ZNF543: variants seen among roughly 807,000 people sequenced by gnomAD.
ZNF543 encodes the protein zinc finger protein 543.
Under a neutral mutation model 13.4 loss-of-function variants are expected in ZNF543, and 10 were observed. The observed-to-expected ratio is 0.75, with a 90% confidence interval of 0.46 to 1.26. The LOEUF (loss-of-function observed/expected upper bound fraction) is 1.26, where lower values mean the gene tolerates loss of function less well. ZNF543 is among the 50% of genes most tolerant of loss of function. The pLI, the probability that ZNF543 is intolerant of heterozygous loss-of-function variation, is 0.00. For synonymous variants in ZNF543, 272 were observed against 264.7 expected, an observed-to-expected ratio of 1.03 and a Z score of -0.27; for missense variants, 768 against 741.2, an observed-to-expected ratio of 1.04 and a Z score of -0.42.
At chr19:57,326,598 A>G in intron 2 of ZNF543, 35 bp from the exon 3 acceptor site, 1 of 1,547,328 alleles carries the variant, frequency 6.5e-7, no homozygotes, top group South Asian at 1.1e-5. Flanking sequence ...CTTCTAACCT[A>G]ACTCCCTGTG....
Position 57,328,253 on chromosome 19 carries a change from T to C in ZNF543, c.791T>C (p.Phe264Ser), listed in dbSNP as rs1172981153. 1 of 1,613,764 alleles carries C rather than the reference T, an allele frequency of 6.2e-7. No homozygotes were observed. Among genetic ancestry groups the C allele is most frequent in the Admixed American group, 1.7e-5 (1 of 59,964 alleles). ...PYKCMECGKA[F>S]NRRSHLTRHQ... is the part of the protein sequence containing the mutation. ...AAGTGCATGGAGTGTGGGAAGGCTT[T>C]TAACCGCAGGTCACACCTCACACGG... Residue 264 changes from phenylalanine (F) to serine (S), a missense_variant, in exon 4 of 4, where the codon TTT becomes TCT. Phe to Ser is a radical substitution (Grantham distance 155). Coordinates refer to ENST00000321545, the MANE Select transcript of ZNF543 (RefSeq NM_213598.4).
Position 57,328,102 on chromosome 19 carries a change from C to CT in ZNF543, c.642dup (p.Val215CysfsTer4), listed in dbSNP as rs769437510. 1 of 1,614,244 alleles carries CT rather than the reference C, an allele frequency of 6.2e-7. No individual in the cohort carries two copies. Among genetic ancestry groups the CT allele is most frequent in the Admixed American group, 1.7e-5 (1 of 60,028 alleles). On this transcript the variant is annotated frameshift_variant, in exon 4 of 4. Coordinates refer to ENST00000321545, the MANE Select transcript of ZNF543 (RefSeq NM_213598.4). LOFTEE classifies it low-confidence loss of function (END_TRUNC). The stretch of plus-strand genomic sequence containing the variant: ...GAAAGTGTTTAAAAAGAATGCCCTC[C>CT]TTGTTCAGCATGAACGGATTCACAC...
Position 57,323,727 on chromosome 19 carries a change from G to A in ZNF543, c.64G>A (p.Glu22Lys), listed in dbSNP as rs759793809. The change falls in exon 2 of 4, where the codon GAG becomes AAG. Residue 22 changes from glutamate (E) to lysine (K), a missense_variant. By Grantham distance (56) the Glu-to-Lys change is moderately conservative. Around this residue, in one of 3 missense-constraint regions of ZNF543, gnomAD observed 77 missense variants for 75.5 expected, o/e 1.02. Coordinates refer to ENST00000321545, the MANE Select transcript of ZNF543 (RefSeq NM_213598.4). Reference sequence around the variant, plus strand: ...TGTGGCTGTGACATTCACCCAGGAGGAGTGGGGACAGTTGGATGCAGCCCA... The same window carrying A: ...TGTGGCTGTGACATTCACCCAGGAGAAGTGGGGACAGTTGGATGCAGCCCA... The part of the protein sequence containing the change: ...EDVAVTFTQE[E>K]WGQLDAAQRT... The A allele has an allele frequency of 2.5e-6, 4 of 1,613,826 alleles. No homozygotes were observed. In the South Asian group the frequency reaches 3.3e-5, roughly 13 times the overall value.
In ZNF543 at chr19:57,329,473, A is replaced by C; in HGVS notation, c.*208A>C. ...TGCACTTAGGAAAACTTTCAGCCACATCTTTCTTCTTAGTTTACAGTGAAA... is the reference window on the plus strand; with the variant it reads ...TGCACTTAGGAAAACTTTCAGCCACCTCTTTCTTCTTAGTTTACAGTGAAA... On this transcript the variant is annotated 3_prime_UTR_variant, in exon 4 of 4. Transcript: ENST00000321545. 1 of 547,018 alleles carries C rather than the reference A, an allele frequency of 1.8e-6. No individual in the cohort carries two copies. The highest frequency in any genetic ancestry group is 3.1e-6 in the Non-Finnish European group (1 of 327,424). The allele number at this position is 547,018 out of a possible 1,614,324, so 33.9% of individuals were successfully genotyped here.
At position 57,320,610 on chromosome 19, in the gene ZNF543, C is replaced by T; in HGVS notation, c.-244C>T. 1 of 531,352 alleles carries T rather than the reference C, an allele frequency of 1.9e-6. No homozygotes were observed. The highest frequency in any genetic ancestry group is 3.3e-6 in the Non-Finnish European group (1 of 299,364). 32.9% of individuals were successfully genotyped at this position (531,352 alleles called of 1,614,324 possible). On this transcript the variant is annotated 5_prime_UTR_variant, in exon 1 of 4. Transcript: ENST00000321545. ...CGCCTTCTCCGCATCTTGGCGGGAG[C>T]CTGACGCCCCGCTTCTTCCCTAACG...
chr19:57,323,450 C>A (rs148260855), intron 1 of ZNF543: 3 of 470,336 alleles, frequency 6.4e-6, no homozygotes, highest in East Asian at 5.9e-5. Flanking sequence ...TCATGGCCCC[C>A]CAAAGTGCTG....
At chr19:57,322,651 G>A (rs2088096960) in intron 1 of ZNF543, among the ~76,000 whole-genome samples, 1 of 152,132 alleles carries the variant, frequency 6.6e-6, no homozygotes, top group Non-Finnish European at 1.5e-5. Flanking sequence ...TGTCTCTCCT[G>A]ATAAGAGATG....
In ZNF543 at chr19:57,328,076, G is replaced by A. The variant is rs773958962; in HGVS notation, c.614G>A (p.Gly205Glu). The change falls in exon 4 of 4, where the codon GGG (glycine) becomes GAG (glutamate). Residue 205 changes from glycine to glutamate, a missense_variant. Physicochemically the swap from Gly to Glu is moderately conservative, Grantham distance 98. Around this residue, in one of 3 missense-constraint regions of ZNF543, gnomAD observed 677 missense variants for 631.4 expected, o/e 1.07. Transcript: ENST00000321545. The stretch of plus-strand genomic sequence containing the variant: ...AATTCCTATAAATGTGAGGAATGCG[G>A]GAAAGTGTTTAAAAAGAATGCCCTC... Reference protein sequence around the residue: ...EKNSYKCEECGKVFKKNALLV... With the variant: ...EKNSYKCEECEKVFKKNALLV... The A allele has an allele frequency of 6.2e-7, 1 of 1,614,230 alleles. No homozygotes were observed. Among genetic ancestry groups the A allele is most frequent in the Non-Finnish European group, 8.5e-7 (1 of 1,180,052 alleles).
rs751494496 is a variant in ZNF543, at chr19:57,320,542, G to T, written c.-312G>T. The T allele has an allele frequency of 1.9e-4, 69 of 369,450 alleles. No individual in the cohort carries two copies. The highest frequency in any genetic ancestry group is 3.2e-4 in the Non-Finnish European group (63 of 199,600). The allele number at this position is 369,450 out of a possible 1,614,324, so 22.9% of individuals were successfully genotyped here. A position where few individuals can be genotyped will look rare whatever the true frequency, so the allele number is the denominator to read the frequency against. On this transcript the variant is annotated 5_prime_UTR_variant, in exon 1 of 4. Coordinates refer to ENST00000321545, the MANE Select transcript of ZNF543 (RefSeq NM_213598.4). ...GTGGGGCCTGGACCGCTGGGTAGGC[G>T]CGTCCAGCGGCCTGAGCAGGGGAGG...
intron 1 of ZNF543, among the ~76,000 whole-genome samples, chr19:57,322,321 G>A (rs2088094864): frequency 6.6e-6 from 1 of 152,106 alleles, no homozygotes; most frequent in South Asian, 2.1e-4. Flanking sequence ...TCTTCTGTGA[G>A]GTAGGTGATT....
intron 1 of ZNF543, among the ~76,000 whole-genome samples, chr19:57,322,976 C>T (rs1353150391): frequency 5.9e-5 from 9 of 152,118 alleles, no homozygotes; most frequent in Admixed American, 4.6e-4. Context: ...GCATGTAAAG[C>T]CATTAGCATG....
Position 57,327,711 on chromosome 19 carries a change from C to A in ZNF543, c.249C>A (p.Asn83Lys), listed in dbSNP as rs1458338014. ...GTATTGTGTTCGTTCCAGGTGACAA[C>A]ACAAAACCCAAGACCACAGAGCCTA... Reference protein sequence around the residue: ...DLSQSSYPGDNTKPKTTEPTF... With the variant: ...DLSQSSYPGDKTKPKTTEPTF... Residue 83 changes from asparagine to lysine, a missense_variant, in exon 4 of 4, where the codon AAC (asparagine) becomes AAA (lysine). By Grantham distance (94) the Asn-to-Lys change is moderately conservative. Coordinates refer to ENST00000321545, the MANE Select transcript of ZNF543 (RefSeq NM_213598.4). 1.3e-6 allele frequency: 2 copies of A among 1,597,502 alleles called. No homozygotes were observed.
intron 1 of ZNF543, among the ~76,000 whole-genome samples, chr19:57,323,185 C>T (rs1446974684): frequency 1.3e-5 from 2 of 150,812 alleles, no homozygotes; most frequent in Non-Finnish European, 3.0e-5. Flanking sequence ...TCTCTCTTCA[C>T]TGCTGTAATT....
chr19:57,327,648 GT>G (rs1462611783), intron 3 of ZNF543, 55 bp from the exon 4 acceptor site: 1 of 1,534,090 alleles, frequency 6.5e-7, no homozygotes, highest in Non-Finnish European at 8.7e-7. Flanking sequence ...CCTGGCCTTT[GT>G]TTTTTCTATA....
At position 57,326,647 on chromosome 19, in the gene ZNF543, A is replaced by C. The variant is rs1353215792; in HGVS notation, c.160A>C (p.Lys54Gln). ...LLMSLGCPLF[K>Q]PELIYQLDHR... ...TCCATGCACAGGCTGTCCTTTGTTC[A>C]AACCAGAGCTGATCTACCAGTTGGA... Residue 54 changes from lysine (K) to glutamine (Q), a missense_variant, in exon 3 of 4, where the codon AAA becomes CAA. By Grantham distance (53) the Lys-to-Gln change is moderately conservative. Coordinates refer to ENST00000321545, the MANE Select transcript of ZNF543 (RefSeq NM_213598.4). 6.2e-7 allele frequency: 1 copy of C among 1,613,990 alleles called. No individual in the cohort carries two copies.
chr19:57,328,700 A>G lies in ZNF543; in HGVS notation c.1238A>G (p.His413Arg). The change falls in exon 4 of 4, where the codon CAT becomes CGT. Residue 413 changes from histidine to arginine, a missense_variant. Physicochemically the swap from His to Arg is conservative, Grantham distance 29. This residue lies in a region of ZNF543 where 677 missense variants were observed against 631.4 expected (regional missense o/e 1.07). Coordinates refer to ENST00000321545, the MANE Select transcript of ZNF543 (RefSeq NM_213598.4). Reference protein sequence around the residue: ...AFNRRSHLKQHQRIHTGEKPY... With the variant: ...AFNRRSHLKQRQRIHTGEKPY... ...AACCGTAGGTCACACCTCAAGCAGC[A>G]TCAACGGATTCACACTGGGGAGAAG... is the stretch of plus-strand genomic sequence containing the variant. 6.2e-7 allele frequency: 1 copy of G among 1,613,542 alleles called. No individual in the cohort carries two copies. The highest frequency in any genetic ancestry group is 2.2e-5 in the East Asian group (1 of 44,854).
At position 57,328,041 on chromosome 19, in the gene ZNF543, C is replaced by G; in HGVS notation, c.579C>G (p.Arg193=). The change falls in exon 4 of 4, where the codon CGC becomes CGG. Residue 193 remains arginine, a synonymous_variant. Transcript: ENST00000321545. ...GACCAGTTACAGATGCCTTGATTCGCGAAGAGAAAAATTCCTATAAATGTG... is the reference window on the plus strand; with the variant it reads ...GACCAGTTACAGATGCCTTGATTCGGGAAGAGAAAAATTCCTATAAATGTG... The part of the protein sequence containing the change: ...SHGPVTDALI[R]EEKNSYKCEE... 1 of 1,614,120 alleles carries G rather than the reference C, an allele frequency of 6.2e-7. No individual in the cohort carries two copies. Among genetic ancestry groups the G allele is most frequent in the Non-Finnish European group, 8.5e-7 (1 of 1,180,038 alleles).
intron 1 of ZNF543, among the ~76,000 whole-genome samples, chr19:57,321,142 C>A (rs1206501892): frequency 1.3e-5 from 2 of 152,316 alleles, no homozygotes; most frequent in Admixed American, 1.3e-4. Context: ...GCCTGCCAGC[C>A]CCTACCCCAT....
At chr19:57,320,911 C>T (rs770292537) in intron 1 of ZNF543, 40 bp downstream of exon 1, 26 of 1,613,518 alleles carry the variant, frequency 1.6e-5, no homozygotes, top group Middle Eastern at 1.7e-4. Context: ...TGCTCTGCTA[C>T]TTCTGGAGGC....
Sources: allele counts gnomAD v4.1 joint callset (sites outside exome capture counted in the v4.1 genomes callset), GRCh38; gene constraint gnomAD v4.1.1; regional missense constraint gnomAD v4.1.1; transcripts MANE v1.5; gene names NCBI Gene and HGNC (gene_info 2026-07-23, HGNC 2026-07-21).